The following ELF2 variants were observed in gnomAD, a reference collection of about 807,000 sequenced individuals.
ELF2 encodes the protein E74 like ETS transcription factor 2, also known as ETS-related transcription factor Elf-2.
A neutral mutation model predicts 54.8 loss-of-function variants in ELF2; 11 were observed. The ratio of observed to expected loss-of-function variants is 0.20; its 90% CI spans 0.13 to 0.33. The LOEUF (loss-of-function observed/expected upper bound fraction) is 0.33. ELF2 is among the 10% of genes least tolerant of loss of function. The pLI is 1.00. For missense variants in ELF2, 513 were observed against 703.0 expected (o/e 0.73, Z 3.06); for synonymous variants, 203 against 245.1 (o/e 0.83, Z 1.61).
At chr4:139,110,208 A>T (rs72949631) in intron 4 of ELF2, among the ~76,000 whole-genome samples, 2,250 of 152,314 alleles carry the variant, frequency 0.015, 63 homozygotes, top group African/African-American at 0.051. Context: ...TAAGACTCTT[A>T]AAGTGGCAAA....
At chr4:139,100,731 A>G (rs1047124785) in intron 4 of ELF2, 1 of 152,254 alleles carries the variant, frequency 6.6e-6, no homozygotes. Context: ...AAAACAATTT[A>G]AAAATACTCT....
Position 139,058,179 on chromosome 4 carries a change from G to C in ELF2, c.*804C>G, listed in dbSNP as rs1403467055. ...TTACAGCAAAAGGCCAGAGCCAACTGTTAATTTGTCCACAATTAAGAAACT... is the reference window on the plus strand; with the variant it reads ...TTACAGCAAAAGGCCAGAGCCAACTCTTAATTTGTCCACAATTAAGAAACT... On this transcript the variant is annotated 3_prime_UTR_variant, in exon 10 of 10. Coordinates refer to ENST00000686138, the MANE Select transcript of ELF2 (RefSeq NM_001331036.3). 2 of 152,378 alleles carry C rather than the reference G, an allele frequency of 1.3e-5. No homozygotes were observed. The highest frequency in any genetic ancestry group is 2.9e-5 in the Non-Finnish European group (2 of 68,006). 9.4% of individuals were successfully genotyped at this position (152,378 alleles called of 1,614,324 possible).
chr4:139,151,081 A>AAGAAAGAAAG lies in ELF2; in HGVS notation c.-251-11585_-251-11584insCTTTCTTTCT, dbSNP rs1491450734. On this transcript the variant is annotated intron_variant, in intron 1 of 9. Transcript: ENST00000686138. ...GAAAGAAAGAAAGAAAGAAAGAAAG[A>AAGAAAGAAAG]AAGAAAGAAAGAAAAAGAGAGCTAT... 7.3e-4 allele frequency among the ~76,000 whole-genome samples: 107 copies of AAGAAAGAAAG among 147,080 alleles called. 5 individuals are homozygous for AAGAAAGAAAG. The highest frequency in any genetic ancestry group is 2.7e-3 in the African/African-American group (103 of 37,528).
intron 4 of ELF2, among the ~76,000 whole-genome samples, chr4:139,122,999 A>G (rs922823043): frequency 7.2e-5 from 11 of 151,896 alleles, no homozygotes; most frequent in Non-Finnish European, 1.6e-4. Context: ...CCTGGCCAAC[A>G]TGGTGAAACC....
chr4:139,176,659 G>A (rs1388177157), intron 1 of ELF2, among the ~76,000 whole-genome samples: 1 of 152,096 alleles, frequency 6.6e-6, no homozygotes, highest in East Asian at 1.9e-4. Flanking sequence ...CCCCCGCCGG[G>A]GTCTGTAACC....
chr4:139,081,211 T>C (rs1026052013), intron 4 of ELF2, among the ~76,000 whole-genome samples: 2 of 152,294 alleles, frequency 1.3e-5, no homozygotes, highest in African/African-American at 4.8e-5. Flanking sequence ...AAACATACTT[T>C]GTAAAATGAC....
At chr4:139,085,460 T>C in intron 4 of ELF2, among the ~76,000 whole-genome samples, 1 of 152,198 alleles carries the variant, frequency 6.6e-6, no homozygotes, top group Non-Finnish European at 1.5e-5. Flanking sequence ...CTGAACTGTG[T>C]AGAGAAAAAA....
intron 4 of ELF2, chr4:139,084,176 C>T (rs1381276043): frequency 6.2e-7 from 1 of 1,613,410 alleles, no homozygotes; most frequent in Non-Finnish European, 8.5e-7. Flanking sequence ...GTCCCTCATG[C>T]AGAGACGTCG....
At chr4:139,106,646 A>T (rs996598172) in intron 4 of ELF2, among the ~76,000 whole-genome samples, 2 of 151,682 alleles carry the variant, frequency 1.3e-5, no homozygotes, top group African/African-American at 4.8e-5. Context: ...GCAGTAAATT[A>T]TATCTGTCAC....
At chr4:139,117,666 A>T (rs966426920) in intron 4 of ELF2, among the ~76,000 whole-genome samples, 1 of 151,146 alleles carries the variant, frequency 6.6e-6, no homozygotes, top group Non-Finnish European at 1.5e-5. Context: ...TAGGCAAGAG[A>T]GTGAGCCGGG....
intron 4 of ELF2, among the ~76,000 whole-genome samples, chr4:139,077,082 C>T (rs906979240): frequency 6.6e-6 from 1 of 152,096 alleles, no homozygotes; most frequent in African/African-American, 2.4e-5. Flanking sequence ...TGCTATAAAC[C>T]TGACACAAGT....
intron 4 of ELF2, among the ~76,000 whole-genome samples, chr4:139,108,768 C>T (rs893863314): frequency 3.3e-5 from 5 of 151,590 alleles, no homozygotes; most frequent in Admixed American, 6.6e-5. Flanking sequence ...GGTAAATGTC[C>T]GTGGGTAGAA....
intron 4 of ELF2, among the ~76,000 whole-genome samples, chr4:139,102,976 G>A (rs1220332661): frequency 2.6e-5 from 4 of 152,036 alleles, no homozygotes; most frequent in Admixed American, 6.6e-5. Context: ...CCTACCAAGT[G>A]CAAGCAATCT....
At chr4:139,074,612 T>G (rs1012750958) in intron 4 of ELF2, among the ~76,000 whole-genome samples, 6 of 151,696 alleles carry the variant, frequency 4.0e-5, no homozygotes, top group African/African-American at 1.5e-4. Flanking sequence ...ACATAAAAAT[T>G]AGCCGGGCGT....
At chr4:139,064,655 G>A (rs1402483618) in intron 7 of ELF2, among the ~76,000 whole-genome samples, 3 of 152,098 alleles carry the variant, frequency 2.0e-5, no homozygotes, top group Non-Finnish European at 4.4e-5. Flanking sequence ...CGTGGCGGGC[G>A]GATCACCTGA....
At chr4:139,109,340 G>T (rs974003616) in intron 4 of ELF2, among the ~76,000 whole-genome samples, 1 of 152,096 alleles carries the variant, frequency 6.6e-6, no homozygotes, top group Non-Finnish European at 1.5e-5. Context: ...CATGAGACGA[G>T]CAGCATTAAG....
At chr4:139,085,728 G>A (rs1216230833) in intron 4 of ELF2, among the ~76,000 whole-genome samples, 1 of 152,188 alleles carries the variant, frequency 6.6e-6, no homozygotes, top group Non-Finnish European at 1.5e-5. Flanking sequence ...AACCTGCCAT[G>A]TATGGGACAT....
At chr4:139,134,600 T>G (rs952196944) in intron 3 of ELF2, among the ~76,000 whole-genome samples, 1 of 141,430 alleles carries the variant, frequency 7.1e-6, no homozygotes, top group Admixed American at 6.9e-5. Context: ...TTTATTTTAT[T>G]TTATTTTATT....
At position 139,084,122 on chromosome 4, in the gene ELF2, CCT is replaced by C. The variant is rs774315448; in HGVS notation, c.239-10557_239-10556del. The C allele has an allele frequency of 2.5e-6, 4 of 1,613,412 alleles. No homozygotes were observed. In the South Asian group the frequency reaches 3.3e-5, roughly 13 times the overall value. On this transcript the variant is annotated intron_variant, in intron 4 of 9. Coordinates refer to ENST00000686138, the MANE Select transcript of ELF2 (RefSeq NM_001331036.3). ...CACCGATGCACGGGAGAAAAGTTCC[CCT>C]GTCCTTACCGGCCCGGATGAGCAGA... is the stretch of plus-strand genomic sequence containing the variant.
Sources: allele counts gnomAD v4.1 joint callset (sites outside exome capture counted in the v4.1 genomes callset), GRCh38; gene constraint gnomAD v4.1.1; transcripts MANE v1.5; gene names NCBI Gene and HGNC (gene_info 2026-07-23, HGNC 2026-07-21).